The following KMT2E variants were observed in gnomAD, a reference collection of about 807,000 sequenced individuals.
KMT2E encodes histone reader KMT2E.
In KMT2E, 30 loss-of-function variants were observed where a neutral mutation model predicts 184.6. That is an observed-to-expected ratio of 0.16 (90% CI 0.12 to 0.22). The LOEUF is 0.22. KMT2E is among the 10% of genes least tolerant of loss of function. The probability of loss-of-function intolerance (pLI) is 1.00; values close to 1 mark genes in which losing one functional copy is unlikely to be tolerated. For synonymous variants in KMT2E, 815 were observed against 776.5 expected, an observed-to-expected ratio of 1.05 and a Z score of -0.82; for missense variants, 2,023 against 2,237.4, an observed-to-expected ratio of 0.90 and a Z score of 1.93.
At chr7:105,071,780 A>G (rs1029687165) in intron 6 of KMT2E, among the ~76,000 whole-genome samples, 2 of 151,238 alleles carry the variant, frequency 1.3e-5, no homozygotes, top group Admixed American at 6.6e-5. Context: ...TCCAAACAGT[A>G]ATGGATAAGC....
At position 105,017,427 on chromosome 7, in the gene KMT2E, GT is replaced by G. The variant is rs1205679684; in HGVS notation, c.-189+2898del. ...TGGTGGTGGTGGGTGGTTTTTTTTT[GT>G]TTTTTGTTTTTTTTTTTGATGTTTT... On this transcript the variant is annotated intron_variant, in intron 1 of 26. Transcript: ENST00000311117. Among the ~76,000 whole-genome samples the G allele has an allele frequency of 1.7e-4, 19 of 113,372 alleles. No individual in the cohort carries two copies. The East Asian group carries it at 4.8e-3, about 28-fold the overall frequency. The allele number at this position is 113,372 out of a possible 152,430, so 74.4% of individuals were successfully genotyped here. A position where few individuals can be genotyped will look rare whatever the true frequency, so the allele number is the denominator to read the frequency against.
At chr7:105,064,555 T>C (rs1796957045) in intron 5 of KMT2E, among the ~76,000 whole-genome samples, 1 of 152,156 alleles carries the variant, frequency 6.6e-6, no homozygotes, top group African/African-American at 2.4e-5. Context: ...TCAAAAAGTT[T>C]GTTTACTCTT....
intron 22 of KMT2E, chr7:105,108,418 G>T: frequency 6.4e-6 from 2 of 313,792 alleles, no homozygotes; most frequent in Admixed American, 3.9e-5. Flanking sequence ...TATTTGGTTG[G>T]CAGACATACT....
intron 3 of KMT2E, among the ~76,000 whole-genome samples, chr7:105,041,695 A>AGCC (rs1795889315): frequency 6.6e-6 from 1 of 152,168 alleles, no homozygotes; most frequent in Admixed American, 6.5e-5. Flanking sequence ...CACTGCGCTC[A>AGCC]GCCGGTGCTC....
intron 1 of KMT2E, among the ~76,000 whole-genome samples, chr7:105,035,191 A>ATT (rs762747433): frequency 4.9e-4 from 69 of 141,682 alleles, no homozygotes; most frequent in African/African-American, 1.7e-3. Context: ...AGCCTGGCTA[A>ATT]TTTTTTTTTT....
intron 3 of KMT2E, among the ~76,000 whole-genome samples, chr7:105,054,871 T>C (rs939429398): frequency 2.6e-5 from 4 of 152,200 alleles, no homozygotes; most frequent in Admixed American, 1.3e-4. Context: ...CACTTTGGAC[T>C]CTGGATGCCA....
chr7:105,103,029 T>C (rs950444666), intron 17 of KMT2E: 2 of 152,162 alleles, frequency 1.3e-5, no homozygotes, highest in Admixed American at 6.5e-5. Context: ...CTAAACACAG[T>C]TGTTTCTAAT....
At position 105,106,753 on chromosome 7, in the gene KMT2E, G is replaced by C. The variant is rs771902684; in HGVS notation, c.2828G>C (p.Gly943Ala). 1 of 1,613,790 alleles carries C rather than the reference G, an allele frequency of 6.2e-7. No homozygotes were observed. Among genetic ancestry groups the C allele is most frequent in the Non-Finnish European group, 8.5e-7 (1 of 1,179,858 alleles). ...PVTPVTPGTP[G>A]NTMHFENISS... is the part of the protein sequence containing the mutation. ...ACCCCAGTAACTCCTGGTACACCAG[G>C]AAATACCATGCACTTTGAGGTGAGA... is the stretch of plus-strand genomic sequence containing the variant. The change falls in exon 20 of 27, where the codon GGA becomes GCA. Residue 943 changes from glycine to alanine, a missense_variant. Physicochemically the swap from Gly to Ala is moderately conservative, Grantham distance 60. Around this residue, in one of 8 missense-constraint regions of KMT2E, gnomAD observed 514 missense variants for 621.8 expected, o/e 0.83. Coordinates refer to ENST00000311117, the MANE Select transcript of KMT2E (RefSeq NM_182931.3).
chr7:105,024,472 A>G (rs942102352), intron 1 of KMT2E, among the ~76,000 whole-genome samples: 23 of 152,228 alleles, frequency 1.5e-4, no homozygotes, highest in Non-Finnish European at 2.9e-4. Context: ...TTAAGAATCT[A>G]CATTTAGAAT....
Position 105,109,026 on chromosome 7 carries a change from T to C in KMT2E, c.3553T>C (p.Ser1185Pro). ...AGAGAACTTTCCACTCATTAGTGTATCACCCCATGCAAGTGGAAGCTTGAG... is the reference window on the plus strand; with the variant it reads ...AGAGAACTTTCCACTCATTAGTGTACCACCCCATGCAAGTGGAAGCTTGAG... Reference protein sequence around the residue: ...KTENFPLISVSPHASGSLSNN... With the variant: ...KTENFPLISVPPHASGSLSNN... The change falls in exon 23 of 27, where the codon TCA becomes CCA. Residue 1185 changes from serine (S) to proline (P), a missense_variant. Coordinates refer to ENST00000311117, the MANE Select transcript of KMT2E (RefSeq NM_182931.3). The C allele has an allele frequency of 6.2e-7, 1 of 1,614,174 alleles. No individual in the cohort carries two copies. Among genetic ancestry groups the C allele is most frequent in the Non-Finnish European group, 8.5e-7 (1 of 1,180,014 alleles).
At chr7:105,093,452 C>T (rs999983360) in intron 15 of KMT2E, among the ~76,000 whole-genome samples, 6 of 152,058 alleles carry the variant, frequency 3.9e-5, no homozygotes, top group East Asian at 1.9e-4. Context: ...GAGGCCGAGA[C>T]GGGTGGATCA....
chr7:105,113,575 T>C lies in KMT2E; in HGVS notation c.*242T>C. 1 of 434,684 alleles carries C rather than the reference T, an allele frequency of 2.3e-6. No homozygotes were observed. The highest frequency in any genetic ancestry group is 4.1e-6 in the Non-Finnish European group (1 of 245,838). The allele number at this position is 434,684 out of a possible 1,614,324, so 26.9% of individuals were successfully genotyped here. On this transcript the variant is annotated 3_prime_UTR_variant, in exon 27 of 27. Transcript: ENST00000311117. ...TCCAGCTGTTTTTTTCTGGCAGATC[T>C]GATGCTGATTTGATGCTGTATGATC...
intron 13 of KMT2E, among the ~76,000 whole-genome samples, chr7:105,084,046 A>G (rs556142018): frequency 6.6e-6 from 1 of 152,344 alleles, no homozygotes; most frequent in South Asian, 2.1e-4. Context: ...CTTCATTTGC[A>G]ATACAAGATA....
intron 5 of KMT2E, among the ~76,000 whole-genome samples, chr7:105,066,304 C>T (rs1797025758): frequency 1.3e-5 from 2 of 152,034 alleles, no homozygotes; most frequent in South Asian, 4.1e-4. Flanking sequence ...GCCTTGTGGC[C>T]ACTTTCTCTT....
chr7:105,035,334 AT>A (rs1795601458), intron 1 of KMT2E, among the ~76,000 whole-genome samples: 1 of 149,724 alleles, frequency 6.7e-6, no homozygotes, highest in African/African-American at 2.5e-5. Context: ...GCCTGGCCTA[AT>A]TTTTTTTATT....
chr7:105,042,249 C>A (rs940091993), intron 3 of KMT2E, among the ~76,000 whole-genome samples: 1 of 152,184 alleles, frequency 6.6e-6, no homozygotes, highest in Non-Finnish European at 1.5e-5. Context: ...CCTTGGCCCC[C>A]CAAAGTGCTG....
At chr7:105,075,049 C>G (rs1039092409) in intron 8 of KMT2E, among the ~76,000 whole-genome samples, 4 of 152,144 alleles carry the variant, frequency 2.6e-5, no homozygotes, top group African/African-American at 9.7e-5. Flanking sequence ...AGATTAGTCA[C>G]TATAATGCAG....
rs897686561 is a variant in KMT2E at position 105,090,344 on chromosome 7, T to G, written c.1623+71T>G. ...AATCTGTCATATTTTATCCTCTTCT[T>G]TGTTCTATGTATAATTGTTTAAAGT... On this transcript the variant is annotated intron_variant, in intron 14 of 26. Transcript: ENST00000311117. 7.4e-6 allele frequency: 11 copies of G among 1,476,974 alleles called. No homozygotes were observed. In the Admixed American group the frequency reaches 2.5e-4, roughly 34 times the overall value. 91.5% of individuals were successfully genotyped at this position (1,476,974 alleles called of 1,614,324 possible).
intron 15 of KMT2E, 62 bp downstream of exon 15, chr7:105,091,376 C>G: frequency 1.1e-6 from 1 of 897,580 alleles, no homozygotes; most frequent in Non-Finnish European, 1.9e-6. Flanking sequence ...GTAATTGTTG[C>G]TGCCTTTACA....
Sources: gnomAD v4.1 joint callset for allele counts (sites outside exome capture counted in the v4.1 genomes callset) on GRCh38, gnomAD v4.1.1 for gene constraint, gnomAD v4.1.1 regional missense constraint, MANE v1.5 for transcripts, NCBI Gene and HGNC (gene_info 2026-07-23, HGNC 2026-07-21) for gene names.